CADM2: variants seen among roughly 807,000 people sequenced by gnomAD.
CADM2 encodes immunoglobulin superfamily member 4D.
Under a neutral mutation model 49.8 loss-of-function variants are expected in CADM2, and 12 were observed. The ratio of observed to expected loss-of-function variants is 0.24; its 90% CI spans 0.15 to 0.39. The LOEUF (loss-of-function observed/expected upper bound fraction) is 0.39. CADM2 is among the 10% of genes least tolerant of loss of function. CADM2 has a pLI of 1.00. For missense variants in CADM2, 378 were observed against 492.3 expected, an observed-to-expected ratio of 0.77 and a Z score of 2.20; for synonymous variants, 214 against 175.4, an observed-to-expected ratio of 1.22 and a Z score of -1.74.
intron 1 of CADM2, among the ~76,000 whole-genome samples, chr3:85,501,148 A>T (rs1220065004): frequency 6.6e-6 from 1 of 152,216 alleles, no homozygotes; most frequent in Non-Finnish European, 1.5e-5. Context: ...ACTTATTTGC[A>T]CATCTTTATA....
At chr3:85,493,953 A>C (rs745937697) in intron 1 of CADM2, among the ~76,000 whole-genome samples, 1 of 152,212 alleles carries the variant, frequency 6.6e-6, no homozygotes, top group African/African-American at 2.4e-5. Flanking sequence ...TGGAGAAATA[A>C]ATCCTCAAAT....
chr3:85,414,996 A>G (rs1202376511), intron 1 of CADM2, among the ~76,000 whole-genome samples: 1 of 152,188 alleles, frequency 6.6e-6, no homozygotes, highest in Non-Finnish European at 1.5e-5. Flanking sequence ...CAAAATGGAA[A>G]GAAACTTTTA....
At position 85,171,364 on chromosome 3, in the gene CADM2, T is replaced by C. The variant is rs185330601; in HGVS notation, c.61+211696T>C. Among the ~76,000 whole-genome samples the C allele has an allele frequency of 6.6e-5, 10 of 152,330 alleles. 1 individual carries two copies. The highest frequency in any genetic ancestry group is 2.2e-4 in the African/African-American group (9 of 41,590). ...CAAAAGAATCATTGTTCTTTACATG[T>C]GTTATATCTTTAAAAGTTCTTATTA... On this transcript the variant is annotated intron_variant, in intron 1 of 9. Coordinates refer to ENST00000383699, the MANE Select transcript of CADM2 (RefSeq NM_001167675.2).
chr3:86,031,132 A>G (rs530361397), intron 8 of CADM2, among the ~76,000 whole-genome samples: 1 of 151,866 alleles, frequency 6.6e-6, no homozygotes, highest in Non-Finnish European at 1.5e-5. Context: ...ATTAAATTAC[A>G]TAAGTAATAT....
At chr3:85,911,193 T>C (rs549720022) in intron 5 of CADM2, among the ~76,000 whole-genome samples, 1 of 152,252 alleles carries the variant, frequency 6.6e-6, no homozygotes, top group South Asian at 2.1e-4. Flanking sequence ...TTCCATCAAC[T>C]ACATTTAAGA....
intron 2 of CADM2, among the ~76,000 whole-genome samples, chr3:85,737,779 C>T (rs368782988): frequency 5.3e-5 from 8 of 151,990 alleles, no homozygotes; most frequent in South Asian, 2.1e-4. Flanking sequence ...AGGATTGTCT[C>T]GATCTCCTGA....
chr3:85,759,939 A>T (rs2069294177), intron 2 of CADM2, among the ~76,000 whole-genome samples: 1 of 152,120 alleles, frequency 6.6e-6, no homozygotes, highest in African/African-American at 2.4e-5. Context: ...AAAACTTCTG[A>T]TAAATAAATT....
intron 3 of CADM2, among the ~76,000 whole-genome samples, chr3:85,876,959 G>T (rs1356900195): frequency 6.6e-6 from 1 of 152,062 alleles, no homozygotes; most frequent in African/African-American, 2.4e-5. Context: ...ACGTTTGTAT[G>T]ATTGTTGAAC....
intron 8 of CADM2, among the ~76,000 whole-genome samples, chr3:86,008,682 G>A (rs1365150823): frequency 1.3e-5 from 2 of 151,886 alleles, no homozygotes; most frequent in Non-Finnish European, 2.9e-5. Flanking sequence ...TAATTAAAAG[G>A]CAAAATGAAC....
At chr3:85,786,592 G>T (rs888030222) in intron 2 of CADM2, among the ~76,000 whole-genome samples, 3 of 152,016 alleles carry the variant, frequency 2.0e-5, no homozygotes, top group Non-Finnish European at 2.9e-5. Flanking sequence ...AAGATAGTTT[G>T]TTCGTTAGGG....
chr3:85,379,479 T>G (rs1165636679), intron 1 of CADM2, among the ~76,000 whole-genome samples: 1 of 152,064 alleles, frequency 6.6e-6, no homozygotes, highest in East Asian at 1.9e-4. Context: ...GACTGGTTTT[T>G]AGGCTTGAGA....
intron 1 of CADM2, among the ~76,000 whole-genome samples, chr3:85,457,138 A>G (rs2038027626): frequency 6.6e-6 from 1 of 152,112 alleles, no homozygotes; most frequent in Non-Finnish European, 1.5e-5. Context: ...AAAGGCCAGG[A>G]GCAGTGGCTC....
At chr3:85,401,574 G>T (rs189528740) in intron 1 of CADM2, among the ~76,000 whole-genome samples, 1 of 152,236 alleles carries the variant, frequency 6.6e-6, no homozygotes, top group African/African-American at 2.4e-5. Context: ...TTAGATTGAA[G>T]GAGGACATTC....
chr3:85,865,328 T>A (rs999081663), intron 3 of CADM2, among the ~76,000 whole-genome samples: 20 of 152,204 alleles, frequency 1.3e-4, no homozygotes, highest in African/African-American at 4.8e-4. Flanking sequence ...ATTTGCTTCT[T>A]CTCTGCTTAC....
intron 1 of CADM2, among the ~76,000 whole-genome samples, chr3:85,477,296 T>C (rs2039018291): frequency 6.6e-6 from 1 of 150,734 alleles, no homozygotes; most frequent in Non-Finnish European, 1.5e-5. Flanking sequence ...TAGTTATTTA[T>C]AGAAAATCTT....
chr3:86,047,816 C>A (rs545580531), intron 8 of CADM2, among the ~76,000 whole-genome samples: 3 of 152,220 alleles, frequency 2.0e-5, no homozygotes, highest in African/African-American at 7.2e-5. Flanking sequence ...TTTCGAGTCC[C>A]AAATCTGGGG....
intron 1 of CADM2, among the ~76,000 whole-genome samples, chr3:85,389,670 T>C (rs918955135): frequency 6.6e-6 from 1 of 152,132 alleles, no homozygotes; most frequent in Non-Finnish European, 1.5e-5. Flanking sequence ...TATTTTCTGA[T>C]TCTCCTTAAC....
intron 1 of CADM2, among the ~76,000 whole-genome samples, chr3:85,256,738 T>G (rs2042893859): frequency 6.6e-6 from 1 of 152,142 alleles, no homozygotes; most frequent in Non-Finnish European, 1.5e-5. Context: ...AACTGCATGT[T>G]TAGCGCACAC....
chr3:85,341,507 T>C (rs1391055720), intron 1 of CADM2, among the ~76,000 whole-genome samples: 2 of 151,972 alleles, frequency 1.3e-5, no homozygotes, highest in Admixed American at 6.6e-5. Flanking sequence ...ATATAGATCA[T>C]ATATAGATCA....
Sources: allele counts gnomAD v4.1 joint callset (sites outside exome capture counted in the v4.1 genomes callset), GRCh38; gene constraint gnomAD v4.1.1; transcripts MANE v1.5; gene names NCBI Gene and HGNC (gene_info 2026-07-23, HGNC 2026-07-21).